Variants in CMTM4 observed in about 807,000 individuals in gnomAD.
CMTM4 encodes the protein CKLF like MARVEL transmembrane domain containing 4.
A neutral mutation model predicts 19.0 loss-of-function variants in CMTM4; 8 were observed. The observed-to-expected ratio is 0.42, with a 90% CI of 0.25 to 0.76. The LOEUF (loss-of-function observed/expected upper bound fraction) is 0.76. Among genes scored for constraint, CMTM4 ranks in the 30% least tolerant of loss-of-function variants. The pLI, the probability that CMTM4 is intolerant of heterozygous loss-of-function variation, is 0.27. For missense variants in CMTM4, 228 were observed against 290.2 expected, an observed-to-expected ratio of 0.79 and a Z score of 1.56; for synonymous variants, 106 against 121.1, an observed-to-expected ratio of 0.88 and a Z score of 0.82.
chr16:66,645,525 C>G (rs1260163901), intron 1 of CMTM4, among the ~76,000 whole-genome samples: 1 of 150,926 alleles, frequency 6.6e-6, no homozygotes, highest in Non-Finnish European at 1.5e-5. Context: ...TGCAGTGAGC[C>G]AAGATTGCGC....
chr16:66,600,134 G>GT, the CMTM4 span, among the ~76,000 whole-genome samples: 5 of 129,804 alleles, frequency 3.9e-5, no homozygotes, highest in Non-Finnish European at 6.4e-5. Context: ...GTGTGTGTGT[G>GT]TGTTTTTTTT....
intron 1 of CMTM4, among the ~76,000 whole-genome samples, chr16:66,658,663 G>A (rs551465952): frequency 2.6e-5 from 4 of 152,144 alleles, no homozygotes; most frequent in African/African-American, 9.6e-5. Flanking sequence ...TCATTGTGAG[G>A]GGCTGTCCTG....
intron 1 of CMTM4, among the ~76,000 whole-genome samples, chr16:66,646,364 ATATG>A (rs1372733574): frequency 1.3e-5 from 2 of 152,176 alleles, no homozygotes; most frequent in Non-Finnish European, 2.9e-5. Flanking sequence ...ATTCATACAT[ATATG>A]TATTTATAAT....
At chr16:66,683,128 T>TATATATAC in intron 1 of CMTM4, among the ~76,000 whole-genome samples, 1 of 133,728 alleles carries the variant, frequency 7.5e-6, no homozygotes, top group South Asian at 2.4e-4. Context: ...TGTGTGTGTG[T>TATATATAC]GTATATATAT....
At chr16:66,637,459 G>A (rs1397995619) in intron 1 of CMTM4, among the ~76,000 whole-genome samples, 1 of 152,076 alleles carries the variant, frequency 6.6e-6, no homozygotes, top group Non-Finnish European at 1.5e-5. Flanking sequence ...CAGGAGAATC[G>A]CATGAACCTG....
the CMTM4 span, among the ~76,000 whole-genome samples, chr16:66,599,328 G>A: frequency 1.2e-4 from 18 of 151,818 alleles, no homozygotes; most frequent in South Asian, 2.3e-3. Flanking sequence ...AAAAATATAA[G>A]GGGACCTCCA....
At chr16:66,624,283 T>A (rs2144785012) in intron 2 of CMTM4, among the ~76,000 whole-genome samples, 1 of 152,342 alleles carries the variant, frequency 6.6e-6, no homozygotes, top group Non-Finnish European at 1.5e-5. Flanking sequence ...ATATTTACTG[T>A]CACTTCTGTT....
At chr16:66,600,139 T>TTG in the CMTM4 span, among the ~76,000 whole-genome samples, 1 of 136,490 alleles carries the variant, frequency 7.3e-6, no homozygotes, top group Non-Finnish European at 1.6e-5. Context: ...TGTGTGTGTT[T>TTG]TTTTTTGTTT....
chr16:66,599,834 G>A, the CMTM4 span, among the ~76,000 whole-genome samples: 1 of 152,124 alleles, frequency 6.6e-6, no homozygotes, highest in Non-Finnish European at 1.5e-5. Flanking sequence ...AGAAAGAGCC[G>A]AACCAGGACT....
At chr16:66,674,103 T>G (rs1385362616) in intron 1 of CMTM4, among the ~76,000 whole-genome samples, 1 of 152,370 alleles carries the variant, frequency 6.6e-6, no homozygotes, top group East Asian at 1.9e-4. Context: ...AGCATGGAGC[T>G]AGGCAGAGCC....
In CMTM4 at chr16:66,617,707, G is replaced by A. The variant is rs1365574528; in HGVS notation, c.*4351C>T. Reference sequence around the variant, plus strand: ...ACACAAGATTCTACAAAGCGCCAGGGAAGTTTACAAAGCTAAAAGCTGAGG... The same window carrying A: ...ACACAAGATTCTACAAAGCGCCAGGAAAGTTTACAAAGCTAAAAGCTGAGG... On this transcript the variant is annotated 3_prime_UTR_variant, in exon 4 of 4. Coordinates refer to ENST00000394106, the MANE Select transcript of CMTM4 (RefSeq NM_181521.3). The A allele has an allele frequency of 2.9e-6, 3 of 1,045,326 alleles. No homozygotes were observed. The highest frequency in any genetic ancestry group is 3.5e-6 in the Non-Finnish European group (3 of 867,212). The allele number at this position is 1,045,326 out of a possible 1,614,324, so 64.8% of individuals were successfully genotyped here.
Position 66,618,064 on chromosome 16 carries a change from G to T in CMTM4, c.*3994C>A, listed in dbSNP as rs767394446. ...GTGGACCTCACCAGCCTACCAAGCT[G>T]TTGGGCCTGGACGTGGGTGCTGATA... On this transcript the variant is annotated 3_prime_UTR_variant, in exon 4 of 4. Transcript: ENST00000394106. 10 of 985,406 alleles carry T rather than the reference G, an allele frequency of 1.0e-5. No homozygotes were observed. Among genetic ancestry groups the T allele is most frequent in the African/African-American group, 1.7e-5 (1 of 57,250 alleles). The allele number at this position is 985,406 out of a possible 1,614,324, so 61.0% of individuals were successfully genotyped here.
chr16:66,667,557 T>C (rs2016620543), intron 1 of CMTM4, among the ~76,000 whole-genome samples: 1 of 152,124 alleles, frequency 6.6e-6, no homozygotes, highest in Non-Finnish European at 1.5e-5. Context: ...TCCCTTACAT[T>C]ACCTTTTGAT....
chr16:66,648,361 T>C (rs2016245262), intron 1 of CMTM4, among the ~76,000 whole-genome samples: 1 of 152,186 alleles, frequency 6.6e-6, no homozygotes. Context: ...TGAAAATATT[T>C]TTCCTGGATC....
the CMTM4 span, among the ~76,000 whole-genome samples, chr16:66,601,954 G>A: frequency 1.3e-5 from 2 of 152,192 alleles, no homozygotes; most frequent in East Asian, 3.9e-4. Context: ...TGGGAGAGCA[G>A]GACTCCTGCC....
chr16:66,681,617 CT>C (rs1329934633), intron 1 of CMTM4, among the ~76,000 whole-genome samples: 2 of 152,152 alleles, frequency 1.3e-5, no homozygotes, highest in Admixed American at 6.6e-5. Context: ...CCTATTAAAT[CT>C]TTAAAATCCA....
the CMTM4 span, among the ~76,000 whole-genome samples, chr16:66,603,182 G>A: frequency 6.6e-6 from 1 of 152,218 alleles, no homozygotes; most frequent in African/African-American, 2.4e-5. Context: ...TGTCAGTTAA[G>A]GCTGCTGGGC....
Position 66,620,940 on chromosome 16 carries a change from T to TC in CMTM4, c.*1117dup. ...AGAAACCTTAAGTAGCTAGGATTTT[T>TC]CCCCCCAACAACTCCCAAGAATGAT... On this transcript the variant is annotated 3_prime_UTR_variant, in exon 4 of 4. Transcript: ENST00000394106. The TC allele has an allele frequency of 5.1e-6, 5 of 985,772 alleles. No homozygotes were observed. The highest frequency in any genetic ancestry group is 1.7e-5 in the African/African-American group (1 of 57,326). The allele number at this position is 985,772 out of a possible 1,614,324, so 61.1% of individuals were successfully genotyped here.
At chr16:66,610,566 G>A (rs1312537133), downstream of CMTM4, among the ~76,000 whole-genome samples, 1 of 152,204 alleles carries the variant, frequency 6.6e-6, no homozygotes, top group Non-Finnish European at 1.5e-5. The surrounding 1 kb of genome is among the most constrained non-coding windows in gnomAD (Gnocchi z 4.6). Context: ...AGGCTCTGGA[G>A]GGGACACTAG....
Sources: gnomAD v4.1 joint callset for allele counts (sites outside exome capture counted in the v4.1 genomes callset) on GRCh38, gnomAD v4.1.1 for gene constraint, Gnocchi (gnomAD v3.1) non-coding constraint, MANE v1.5 for transcripts, NCBI Gene and HGNC (gene_info 2026-07-23, HGNC 2026-07-21) for gene names.